GPR39: variants seen among roughly 807,000 people sequenced by gnomAD.
GPR39 encodes the protein G protein-coupled receptor 39.
Under a neutral mutation model 18.4 loss-of-function variants are expected in GPR39, and 23 were observed. That is an observed-to-expected ratio of 1.25 (90% CI 0.90 to 1.77). The LOEUF (loss-of-function observed/expected upper bound fraction) is 1.77. Among genes scored for constraint, GPR39 ranks in the 40% most tolerant of loss-of-function variants. GPR39 has a pLI of 0.00. For missense variants in GPR39, 647 were observed against 602.4 expected, an observed-to-expected ratio of 1.07 and a Z score of -0.78; for synonymous variants, 280 against 257.9, an observed-to-expected ratio of 1.09 and a Z score of -0.82.
chr2:132,432,360 G>A (rs951535882), intron 1 of GPR39, among the ~76,000 whole-genome samples: 1 of 152,156 alleles, frequency 6.6e-6, no homozygotes, highest in Admixed American at 6.5e-5. Context: ...CTATCATGAT[G>A]CAATCACTTC....
At chr2:132,446,326 CA>C (rs1329227488) in intron 1 of GPR39, among the ~76,000 whole-genome samples, 8 of 152,306 alleles carry the variant, frequency 5.3e-5, no homozygotes, top group African/African-American at 1.9e-4. Context: ...CTCCACCTTC[CA>C]TTTTCTTCTG....
intron 1 of GPR39, among the ~76,000 whole-genome samples, chr2:132,471,463 T>C (rs754164607): frequency 6.6e-6 from 1 of 152,096 alleles, no homozygotes; most frequent in Non-Finnish European, 1.5e-5. Context: ...AGAGTCAAAG[T>C]ATGTGGGGTT....
At chr2:132,419,901 A>G (rs546552358) in intron 1 of GPR39, among the ~76,000 whole-genome samples, 2 of 152,294 alleles carry the variant, frequency 1.3e-5, no homozygotes, top group South Asian at 2.1e-4. Context: ...TATTTGACCA[A>G]TCTCTGTGTT....
chr2:132,422,953 C>T (rs1414779224), intron 1 of GPR39, among the ~76,000 whole-genome samples: 1 of 151,964 alleles, frequency 6.6e-6, no homozygotes, highest in Admixed American at 6.6e-5. Context: ...TTGCACAAAG[C>T]ATTTGGCTTA....
At chr2:132,560,307 C>A (rs1195796546) in intron 1 of GPR39, among the ~76,000 whole-genome samples, 2 of 152,160 alleles carry the variant, frequency 1.3e-5, no homozygotes. Flanking sequence ...TTTCCCACCT[C>A]TTTTTCCTCA....
intron 1 of GPR39, among the ~76,000 whole-genome samples, chr2:132,550,876 A>G (rs1680029980): frequency 1.3e-5 from 2 of 152,266 alleles, no homozygotes; most frequent in Admixed American, 6.5e-5. Flanking sequence ...GAATTTTAAC[A>G]TTTCCCATAG....
chr2:132,419,821 A>G (rs915787947), intron 1 of GPR39, among the ~76,000 whole-genome samples: 4 of 152,184 alleles, frequency 2.6e-5, no homozygotes, highest in Admixed American at 2.0e-4. Flanking sequence ...GTCTTCAAGT[A>G]TCTCCCAGTC....
At chr2:132,528,627 T>C (rs1005160365) in intron 1 of GPR39, among the ~76,000 whole-genome samples, 1 of 152,184 alleles carries the variant, frequency 6.6e-6, no homozygotes, top group African/African-American at 2.4e-5. Flanking sequence ...TGGTTTGCAG[T>C]TCTCCTTGAA....
At chr2:132,445,257 A>G (rs563069026) in intron 1 of GPR39, among the ~76,000 whole-genome samples, 8 of 152,302 alleles carry the variant, frequency 5.3e-5, no homozygotes, top group South Asian at 2.1e-4. Flanking sequence ...ATGTTCCCAT[A>G]GTCCTTATAA....
chr2:132,489,218 A>T (rs531047691), intron 1 of GPR39: 1 of 203,364 alleles, frequency 4.9e-6, no homozygotes, highest in Non-Finnish European at 1.1e-5. Context: ...TGGTGAAACC[A>T]TATCTGTTTC....
chr2:132,599,535 A>C (rs977244533), intron 1 of GPR39, among the ~76,000 whole-genome samples: 2 of 152,182 alleles, frequency 1.3e-5, no homozygotes, highest in Non-Finnish European at 2.9e-5. Flanking sequence ...CGCATCACTT[A>C]GTGTCTACAT....
At chr2:132,492,768 T>C (rs889997843) in intron 1 of GPR39, among the ~76,000 whole-genome samples, 10 of 79,320 alleles carry the variant, frequency 1.3e-4, no homozygotes, top group African/African-American at 1.6e-4. Flanking sequence ...TATATATACA[T>C]TCCATATATA....
In GPR39 at chr2:132,444,247, C is replaced by T. The variant is rs540203639; in HGVS notation, c.856+26349C>T. Reference sequence around the variant, plus strand: ...GAACTATTGAACTGTTACCTAGTCTCACTAGCATATAGTTGAATTCTATAA... The same window carrying T: ...GAACTATTGAACTGTTACCTAGTCTTACTAGCATATAGTTGAATTCTATAA... On this transcript the variant is annotated intron_variant, in intron 1 of 1. Coordinates refer to ENST00000329321, the MANE Select transcript of GPR39 (RefSeq NM_001508.3). Among the ~76,000 whole-genome samples, 11 of 152,226 alleles carry T rather than the reference C, an allele frequency of 7.2e-5. No homozygotes were observed. The East Asian group carries it at 2.1e-3, about 29-fold the overall frequency.
chr2:132,572,858 C>G (rs1014063926), intron 1 of GPR39, among the ~76,000 whole-genome samples: 22 of 152,264 alleles, frequency 1.4e-4, no homozygotes, highest in Admixed American at 1.2e-3. Flanking sequence ...TTTATCCAAC[C>G]CTGAATCATT....
At chr2:132,453,432 C>T (rs1044689101) in intron 1 of GPR39, among the ~76,000 whole-genome samples, 1 of 152,050 alleles carries the variant, frequency 6.6e-6, no homozygotes, top group Non-Finnish European at 1.5e-5. Context: ...CTGTAGGTTG[C>T]CTGTTCACTC....
chr2:132,610,424 A>G (rs753780701), intron 1 of GPR39, among the ~76,000 whole-genome samples: 3 of 152,200 alleles, frequency 2.0e-5, no homozygotes, highest in Non-Finnish European at 4.4e-5. Flanking sequence ...CCACTCATGT[A>G]ACATCCAAAG....
chr2:132,552,927 CA>C (rs1680074284), intron 1 of GPR39, among the ~76,000 whole-genome samples: 1 of 138,524 alleles, frequency 7.2e-6, no homozygotes. Flanking sequence ...TACACACACA[CA>C]CACACATATA....
chr2:132,543,693 G>A (rs1167222074), intron 1 of GPR39, among the ~76,000 whole-genome samples: 2 of 152,184 alleles, frequency 1.3e-5, no homozygotes, highest in African/African-American at 2.4e-5. Context: ...AATGATGGGG[G>A]TTAGAAAGTG....
chr2:132,631,241 G>T (rs1220026279), intron 1 of GPR39, among the ~76,000 whole-genome samples: 1 of 152,162 alleles, frequency 6.6e-6, no homozygotes, highest in African/African-American at 2.4e-5. Flanking sequence ...TGCTTACTAC[G>T]TACAACAATG....
Sources: allele counts gnomAD v4.1 joint callset (sites outside exome capture counted in the v4.1 genomes callset), GRCh38; gene constraint gnomAD v4.1.1; transcripts MANE v1.5; gene names NCBI Gene and HGNC (gene_info 2026-07-23, HGNC 2026-07-21).